The following CRACDL variants were observed in gnomAD, a reference collection of about 807,000 sequenced individuals.
CRACDL encodes CRACD-like protein.
CRACDL carries 26 observed loss-of-function variants against 70.6 expected under a neutral mutation model. The observed-to-expected ratio is 0.37, with a 90% CI of 0.27 to 0.51. The LOEUF (loss-of-function observed/expected upper bound fraction) is 0.51. CRACDL is among the 20% of genes least tolerant of loss of function. CRACDL has a pLI of 0.94. For synonymous variants in CRACDL, 618 were observed against 615.2 expected, an observed-to-expected ratio of 1.00 and a Z score of -0.07; for missense variants, 1,283 against 1,376.9, an observed-to-expected ratio of 0.93 and a Z score of 1.08.
At chr2:98,839,367 G>A (rs978096368) in intron 2 of CRACDL, among the ~76,000 whole-genome samples, 4 of 152,134 alleles carry the variant, frequency 2.6e-5, no homozygotes, top group Admixed American at 6.5e-5. Flanking sequence ...CTTTATAATC[G>A]TAAAAAATGT....
chr2:98,818,868 T>C (rs1704907837), intron 7 of CRACDL, among the ~76,000 whole-genome samples: 1 of 152,254 alleles, frequency 6.6e-6, no homozygotes, highest in African/African-American at 2.4e-5. Context: ...CAGCCTGTCC[T>C]GGTACCTGTC....
chr2:98,935,765 G>A (rs763803490), intron 1 of CRACDL, among the ~76,000 whole-genome samples, 173 bp downstream of exon 1: 1 of 152,184 alleles, frequency 6.6e-6, no homozygotes, highest in Non-Finnish European at 1.5e-5. Flanking sequence ...GCTGCCCAGG[G>A]CTTCGGCGGC....
intron 1 of CRACDL, among the ~76,000 whole-genome samples, chr2:98,915,205 T>G (rs1268267558): frequency 6.6e-6 from 1 of 152,210 alleles, no homozygotes; most frequent in East Asian, 1.9e-4. Context: ...CTGAGGAGAC[T>G]CAGGCTCAGA....
At chr2:98,924,279 G>A (rs979551554) in intron 1 of CRACDL, among the ~76,000 whole-genome samples, 2 of 152,146 alleles carry the variant, frequency 1.3e-5, no homozygotes, top group African/African-American at 2.4e-5. Context: ...CGGGATCCCA[G>A]CCCACCCTGT....
chr2:98,852,926 G>A (rs1189180100), intron 1 of CRACDL, among the ~76,000 whole-genome samples: 5 of 144,350 alleles, frequency 3.5e-5, no homozygotes, highest in African/African-American at 1.0e-4. Flanking sequence ...GAGAGAGAAA[G>A]AGGGAAAAGG....
At chr2:98,797,221 C>G (rs1703861176) in intron 8 of CRACDL, 129 bp downstream of exon 8, 4 of 852,022 alleles carry the variant, frequency 4.7e-6, no homozygotes, top group Non-Finnish European at 7.4e-6. Flanking sequence ...ACCACACATC[C>G]ACAACCATCA....
At chr2:98,926,623 G>A (rs1210681680) in intron 1 of CRACDL, among the ~76,000 whole-genome samples, 2 of 152,162 alleles carry the variant, frequency 1.3e-5, no homozygotes, top group African/African-American at 4.8e-5. Context: ...GCTGAACACC[G>A]AAAATACAAT....
chr2:98,909,457 ATCCCAGGGGAGGT>A (rs1456858400), intron 1 of CRACDL, among the ~76,000 whole-genome samples: 1 of 152,178 alleles, frequency 6.6e-6, no homozygotes, highest in Non-Finnish European at 1.5e-5. Context: ...TAAGGATGCA[ATCCCAGGGGAGGT>A]TCTAAATGTT....
chr2:98,796,405 A>G, intron 8 of CRACDL, 141 bp from the exon 9 acceptor site: 2 of 763,466 alleles, frequency 2.6e-6, no homozygotes, highest in Non-Finnish European at 2.2e-6. Context: ...CCCTGGTGTC[A>G]GCTCACTAAC....
chr2:98,927,112 C>G (rs747990898), intron 1 of CRACDL, among the ~76,000 whole-genome samples: 1 of 152,224 alleles, frequency 6.6e-6, no homozygotes, highest in Non-Finnish European at 1.5e-5. Flanking sequence ...GGCTTCAGGG[C>G]TCACGTCAAG....
intron 1 of CRACDL, among the ~76,000 whole-genome samples, chr2:98,854,172 TC>T (rs1416331955): frequency 2.7e-5 from 4 of 150,470 alleles, no homozygotes; most frequent in African/African-American, 7.3e-5. Flanking sequence ...GTCCCAGTAT[TC>T]GGGAGGCTGA....
chr2:98,887,053 G>C (rs1249366230), intron 1 of CRACDL, among the ~76,000 whole-genome samples: 6 of 152,186 alleles, frequency 3.9e-5, no homozygotes, highest in Admixed American at 3.9e-4. Flanking sequence ...AGAAGGTCTG[G>C]AGTTGCAAAG....
intron 7 of CRACDL, among the ~76,000 whole-genome samples, chr2:98,803,148 C>A (rs1423868536): frequency 6.6e-6 from 1 of 151,914 alleles, no homozygotes; most frequent in Non-Finnish European, 1.5e-5. Context: ...TACAGGCATG[C>A]ACCACCACGC....
intron 1 of CRACDL, among the ~76,000 whole-genome samples, chr2:98,868,187 C>T (rs1707218674): frequency 6.6e-6 from 1 of 152,222 alleles, no homozygotes; most frequent in South Asian, 2.1e-4. Context: ...TGTTGGGTTA[C>T]TACTCCTTTG....
intron 1 of CRACDL, among the ~76,000 whole-genome samples, chr2:98,910,565 T>TA (rs1158264236): frequency 4.8e-5 from 7 of 145,566 alleles, no homozygotes; most frequent in African/African-American, 1.0e-4. Context: ...AATAAATAAA[T>TA]AATGCTCCTT....
chr2:98,917,470 A>G (rs1708693224), intron 1 of CRACDL, among the ~76,000 whole-genome samples: 1 of 152,236 alleles, frequency 6.6e-6, no homozygotes, highest in Admixed American at 6.5e-5. Flanking sequence ...ACACTTTCAC[A>G]TGCATTGAGT....
At chr2:98,839,804 T>A (rs1280061268) in intron 2 of CRACDL, among the ~76,000 whole-genome samples, 2 of 152,194 alleles carry the variant, frequency 1.3e-5, no homozygotes, top group Admixed American at 6.5e-5. Flanking sequence ...TGGCAAAAAA[T>A]TATTAATAAT....
intron 7 of CRACDL, among the ~76,000 whole-genome samples, chr2:98,806,819 T>C (rs1704321846): frequency 6.6e-6 from 1 of 152,188 alleles, no homozygotes; most frequent in African/African-American, 2.4e-5. Flanking sequence ...AGATTCCTTG[T>C]CTCCCCATCT....
At chr2:98,810,950 C>G (rs1481616241) in intron 7 of CRACDL, among the ~76,000 whole-genome samples, 1 of 150,430 alleles carries the variant, frequency 6.6e-6, no homozygotes, top group African/African-American at 2.5e-5. Context: ...AAGAAAGACG[C>G]GAGGCAGTTC....
Sources: gnomAD v4.1 joint callset for allele counts (sites outside exome capture counted in the v4.1 genomes callset) on GRCh38, gnomAD v4.1.1 for gene constraint, MANE v1.5 for transcripts, NCBI Gene and HGNC (gene_info 2026-07-23, HGNC 2026-07-21) for gene names.